Variants in ADAMTS18 observed in about 807,000 individuals in gnomAD.
ADAMTS18 encodes the protein ADAM metallopeptidase with thrombospondin type 1 motif 18.
A neutral mutation model predicts 165.9 loss-of-function variants in ADAMTS18; 157 were observed. The ratio of observed to expected loss-of-function variants is 0.95; its 90% CI spans 0.83 to 1.08. The LOEUF (loss-of-function observed/expected upper bound fraction) is 1.08, where lower values mean the gene tolerates loss of function less well. Among genes scored for constraint, ADAMTS18 ranks in the 50% least tolerant of loss-of-function variants. The pLI, the probability that ADAMTS18 is intolerant of heterozygous loss-of-function variation, is 0.00. For synonymous variants in ADAMTS18, 782 were observed against 578.2 expected, an observed-to-expected ratio of 1.35 and a Z score of -5.06; for missense variants, 2,040 against 1,534.0, an observed-to-expected ratio of 1.33 and a Z score of -5.51.
intron 11 of ADAMTS18, among the ~76,000 whole-genome samples, chr16:77,339,413 ATT>A (rs1378089867): frequency 6.6e-6 from 1 of 151,960 alleles, no homozygotes; most frequent in East Asian, 1.9e-4. Flanking sequence ...TTCTGACTTT[ATT>A]TATCTCGTGT....
chr16:77,326,884 C>T (rs1160326951), intron 12 of ADAMTS18, among the ~76,000 whole-genome samples: 2 of 152,182 alleles, frequency 1.3e-5, no homozygotes, highest in Admixed American at 6.5e-5. Flanking sequence ...ACCCTCCACT[C>T]TCAATCTTTG....
In ADAMTS18 at chr16:77,404,751, T is replaced by A. The variant is rs911397365; in HGVS notation, c.495+26544A>T. Among the ~76,000 whole-genome samples the A allele has an allele frequency of 2.6e-5, 4 of 152,142 alleles. No individual in the cohort carries two copies. In the South Asian group the frequency reaches 8.3e-4, roughly 32 times the overall value. Reference sequence around the variant, plus strand: ...GATCCTTTGCGTCTAAGGTGACTGATTCTATGCTAGGCTCTGAAGCTGCAA... The same window carrying A: ...GATCCTTTGCGTCTAAGGTGACTGAATCTATGCTAGGCTCTGAAGCTGCAA... On this transcript the variant is annotated intron_variant, in intron 3 of 22. Coordinates refer to ENST00000282849, the MANE Select transcript of ADAMTS18 (RefSeq NM_199355.4).
chr16:77,303,741 TC>T (rs1243246327), intron 16 of ADAMTS18, among the ~76,000 whole-genome samples: 11 of 152,216 alleles, frequency 7.2e-5, no homozygotes, highest in African/African-American at 2.6e-4. Context: ...GGGTTAAAAA[TC>T]AAGTGCTAGG....
At chr16:77,346,047 C>G (rs929034743) in intron 10 of ADAMTS18, among the ~76,000 whole-genome samples, 12 of 152,126 alleles carry the variant, frequency 7.9e-5, no homozygotes, top group Non-Finnish European at 8.8e-5. Flanking sequence ...ATTTTGCTCC[C>G]AAAGCGGGTC....
intron 12 of ADAMTS18, among the ~76,000 whole-genome samples, chr16:77,334,817 T>C (rs868477971): frequency 1.3e-5 from 1 of 74,568 alleles, no homozygotes; most frequent in Non-Finnish European, 2.5e-5. Context: ...GTATACAGTA[T>C]ATATACTATA....
At chr16:77,337,602 G>T (rs564864960) in intron 11 of ADAMTS18, among the ~76,000 whole-genome samples, 2 of 152,226 alleles carry the variant, frequency 1.3e-5, no homozygotes, top group Non-Finnish European at 2.9e-5. Context: ...TTCTCATCTT[G>T]GAGGCAAATT....
chr16:77,407,919 G>C (rs1022319877), intron 3 of ADAMTS18, among the ~76,000 whole-genome samples: 1 of 151,882 alleles, frequency 6.6e-6, no homozygotes, highest in Non-Finnish European at 1.5e-5. Flanking sequence ...TAAATTGCGA[G>C]AAATTAAAAT....
chr16:77,356,120 A>AT (rs778806378), intron 8 of ADAMTS18, 43 bp from the exon 9 acceptor site: 13 of 1,613,424 alleles, frequency 8.1e-6, no homozygotes, highest in Non-Finnish European at 9.3e-6. Context: ...TTGTGAACCC[A>AT]TTTTTTTGAA....
intron 14 of ADAMTS18, 69 bp from the exon 15 acceptor site, chr16:77,321,271 G>A (rs916431503): frequency 2.5e-6 from 4 of 1,588,726 alleles, no homozygotes; most frequent in Non-Finnish European, 2.6e-6. Context: ...ATAATTAAGA[G>A]GTATATGGTT....
At position 77,401,803 on chromosome 16, in the gene ADAMTS18, T is replaced by C. The variant is rs554277039; in HGVS notation, c.495+29492A>G. Among the ~76,000 whole-genome samples the C allele has an allele frequency of 4.6e-5, 7 of 152,294 alleles. No individual in the cohort carries two copies. In the South Asian group the frequency reaches 1.5e-3, roughly 32 times the overall value. ...AAATGAAGAGGAAGGATGAATTTGA[T>C]CTCTCTCTCGCTCTCTTTTCTTGAG... On this transcript the variant is annotated intron_variant, in intron 3 of 22. Transcript: ENST00000282849.
At chr16:77,430,800 G>A (rs1888805391) in intron 3 of ADAMTS18, among the ~76,000 whole-genome samples, 1 of 152,140 alleles carries the variant, frequency 6.6e-6, no homozygotes, top group African/African-American at 2.4e-5. Flanking sequence ...CATTCTAAAA[G>A]GATGTCTTAT....
At chr16:77,368,023 C>T (rs989548136) in intron 3 of ADAMTS18, among the ~76,000 whole-genome samples, 12 of 152,086 alleles carry the variant, frequency 7.9e-5, no homozygotes, top group East Asian at 1.9e-4. Flanking sequence ...ACTACAGGCA[C>T]GTGCTACCAC....
chr16:77,424,705 A>G (rs1002959487), intron 3 of ADAMTS18, among the ~76,000 whole-genome samples: 5 of 152,244 alleles, frequency 3.3e-5, no homozygotes, highest in African/African-American at 1.2e-4. Context: ...AATAACAAAA[A>G]AAAACCTTTT....
At chr16:77,388,639 A>G (rs1202534002) in intron 3 of ADAMTS18, among the ~76,000 whole-genome samples, 3 of 152,168 alleles carry the variant, frequency 2.0e-5, no homozygotes, top group African/African-American at 7.2e-5. Flanking sequence ...ATAAATATAT[A>G]TAAATCACTT....
rs188490348 is a variant in ADAMTS18, at chr16:77,330,950, C to T, written c.1859+4806G>A. Among the ~76,000 whole-genome samples the T allele has an allele frequency of 2.0e-5, 3 of 152,300 alleles. No individual in the cohort carries two copies. The East Asian group carries it at 5.8e-4, about 29-fold the overall frequency. ...ATAGGGAGAAAAAACAGCATTACTGCAACAGAGTGAAATAAGAACAGAGAC... is the reference window on the plus strand; with the variant it reads ...ATAGGGAGAAAAAACAGCATTACTGTAACAGAGTGAAATAAGAACAGAGAC... On this transcript the variant is annotated intron_variant, in intron 12 of 22. Coordinates refer to ENST00000282849, the MANE Select transcript of ADAMTS18 (RefSeq NM_199355.4).
At chr16:77,374,892 G>A (rs942932292) in intron 3 of ADAMTS18, among the ~76,000 whole-genome samples, 1 of 152,108 alleles carries the variant, frequency 6.6e-6, no homozygotes, top group African/African-American at 2.4e-5. Context: ...ATTTTACAGT[G>A]CTAGATATTA....
chr16:77,290,600 G>A (rs749403806), intron 21 of ADAMTS18: 2 of 155,272 alleles, frequency 1.3e-5, no homozygotes, highest in Non-Finnish European at 2.9e-5. Flanking sequence ...GATTAATGGT[G>A]AGGTGGGGAG....
intron 19 of ADAMTS18, 68 bp from the exon 20 acceptor site, chr16:77,293,326 C>T (rs866051658): frequency 2.4e-6 from 3 of 1,243,762 alleles, no homozygotes; most frequent in Non-Finnish European, 3.5e-6. Flanking sequence ...AAAAAAAAAA[C>T]AACACACTAA....
intron 3 of ADAMTS18, among the ~76,000 whole-genome samples, chr16:77,402,725 G>A (rs1415634726): frequency 6.6e-6 from 1 of 152,192 alleles, no homozygotes; most frequent in Non-Finnish European, 1.5e-5. Flanking sequence ...GTGAAGGCTG[G>A]ATGAGCACTG....
Sources: gnomAD v4.1 joint callset for allele counts (sites outside exome capture counted in the v4.1 genomes callset) on GRCh38, gnomAD v4.1.1 for gene constraint, MANE v1.5 for transcripts, NCBI Gene and HGNC (gene_info 2026-07-23, HGNC 2026-07-21) for gene names.